Variants in FBXO34 observed in about 807,000 individuals in gnomAD.
The protein encoded by FBXO34 is F-box protein 34, also known as F-box only protein 34.
Under a neutral mutation model 24.5 loss-of-function variants are expected in FBXO34, and 12 were observed. That is an observed-to-expected ratio of 0.49 (90% CI 0.31 to 0.79). FBXO34 has a LOEUF of 0.79. Among genes scored for constraint, FBXO34 ranks in the 30% least tolerant of loss-of-function variants. FBXO34 has a pLI of 0.04. For synonymous variants in FBXO34, 320 were observed against 311.9 expected, an observed-to-expected ratio of 1.03 and a Z score of -0.27; for missense variants, 823 against 857.7, an observed-to-expected ratio of 0.96 and a Z score of 0.51.
At chr14:55,322,249 GCAGTGAGCCGAGATCACGCCAC>G (rs1302683044) in intron 1 of FBXO34, among the ~76,000 whole-genome samples, 2 of 150,146 alleles carry the variant, frequency 1.3e-5, no homozygotes, top group African/African-American at 4.9e-5. Context: ...GGCGGAGCTT[GCAGTGAGCCGAGATCACGCCAC>G]TGCACTCCAG....
chr14:55,331,602 A>AT (rs995689185), intron 1 of FBXO34, among the ~76,000 whole-genome samples: 1 of 141,244 alleles, frequency 7.1e-6, no homozygotes, highest in Non-Finnish European at 1.5e-5. Flanking sequence ...GTATATATAT[A>AT]AAAAAATATA....
chr14:55,353,577 T>A lies in FBXO34; in HGVS notation c.*1051T>A, dbSNP rs1056511008. ...TATCCTGTCTGGTTACAAAATTTTT[T>A]AAAACTTAAATAAAAACATGCATCT... On this transcript the variant is annotated 3_prime_UTR_variant, in exon 2 of 2. Transcript: ENST00000313833. The A allele has an allele frequency of 1.2e-5, 2 of 167,160 alleles. No homozygotes were observed. Among genetic ancestry groups the A allele is most frequent in the African/African-American group, 4.8e-5 (2 of 41,476 alleles). The allele number at this position is 167,160 out of a possible 1,614,324, so 10.4% of individuals were successfully genotyped here.
chr14:55,437,260 G>T, the FBXO34 span, among the ~76,000 whole-genome samples: 1 of 152,246 alleles, frequency 6.6e-6, no homozygotes, highest in East Asian at 1.9e-4. Context: ...GCGGATGGCT[G>T]GAGGCTAGGA....
chr14:55,308,627 G>C (rs1214561872), intron 1 of FBXO34, among the ~76,000 whole-genome samples: 1 of 152,070 alleles, frequency 6.6e-6, no homozygotes, highest in Non-Finnish European at 1.5e-5. Flanking sequence ...TTGAGGTTCA[G>C]GTTTTCAGAA....
Position 55,318,766 on chromosome 14 carries a change from A to G in FBXO34, c.-10-31615A>G, listed in dbSNP as rs80244747. Among the ~76,000 whole-genome samples, 1,075 of 152,278 alleles carry G rather than the reference A, an allele frequency of 7.1e-3. 18 individuals are homozygous for G. Among genetic ancestry groups the G allele is most frequent in the East Asian group, 0.056 (288 of 5,174 alleles). ...TTTGGTCTTGAGAATTGGAACAATT[A>G]GTATTCCATTGTCTCTAATTCTTCA... On this transcript the variant is annotated intron_variant, in intron 1 of 1. Coordinates refer to ENST00000313833, the MANE Select transcript of FBXO34 (RefSeq NM_017943.4).
chr14:55,288,600 G>T (rs1022334091), intron 1 of FBXO34, among the ~76,000 whole-genome samples: 3 of 152,290 alleles, frequency 2.0e-5, no homozygotes, highest in African/African-American at 7.2e-5. Flanking sequence ...ACTTTCAAAT[G>T]ATCCTACTTG....
the FBXO34 span, chr14:55,411,694 G>C: frequency 6.2e-7 from 1 of 1,613,148 alleles, no homozygotes; most frequent in Non-Finnish European, 8.5e-7. Context: ...TGCACAGCGG[G>C]CAGCGCTCCA....
the FBXO34 span, among the ~76,000 whole-genome samples, chr14:55,438,442 G>A: frequency 6.6e-6 from 1 of 152,146 alleles, no homozygotes; most frequent in Admixed American, 6.6e-5. Flanking sequence ...AAGTGAGATG[G>A]GGACAATGGG....
chr14:55,391,848 G>A, the FBXO34 span, among the ~76,000 whole-genome samples: 1 of 152,150 alleles, frequency 6.6e-6, no homozygotes, highest in Admixed American at 6.6e-5. Flanking sequence ...TAAGCAACTA[G>A]TACTTGCAAG....
chr14:55,327,336 T>C (rs76477842), intron 1 of FBXO34, among the ~76,000 whole-genome samples: 8,502 of 152,118 alleles, frequency 0.056, 305 homozygotes, highest in South Asian at 0.087. Flanking sequence ...TTAGAAACCA[T>C]TGAAGGGTGT....
intron 1 of FBXO34, among the ~76,000 whole-genome samples, chr14:55,332,047 AATAT>A (rs1298620186): frequency 2.2e-5 from 3 of 134,874 alleles, no homozygotes; most frequent in East Asian, 2.1e-4. Flanking sequence ...TATATATAAA[AATAT>A]ATATATATAT....
the FBXO34 span, among the ~76,000 whole-genome samples, chr14:55,419,268 C>T: frequency 1.3e-5 from 2 of 152,206 alleles, no homozygotes; most frequent in Non-Finnish European, 1.5e-5. Flanking sequence ...TTCCATTTTA[C>T]AGGTGAGGAA....
intron 1 of FBXO34, among the ~76,000 whole-genome samples, chr14:55,338,861 G>A (rs1883885438): frequency 6.6e-6 from 1 of 150,970 alleles, no homozygotes; most frequent in Non-Finnish European, 1.5e-5. Context: ...AGCTGAGATT[G>A]CGCCACTGCA....
chr14:55,289,078 T>C (rs889081747), intron 1 of FBXO34, among the ~76,000 whole-genome samples: 2 of 152,040 alleles, frequency 1.3e-5, no homozygotes, highest in Non-Finnish European at 2.9e-5. Context: ...ATATGTAATA[T>C]ATATTTCAAG....
intron 1 of FBXO34, among the ~76,000 whole-genome samples, chr14:55,331,717 G>GTGTATATATA (rs1474558737): frequency 3.3e-5 from 1 of 30,632 alleles, no homozygotes; most frequent in Admixed American, 3.1e-4. Flanking sequence ...ATATATATAT[G>GTGTATATATA]TATATATATA....
At chr14:55,369,738 A>T, downstream of FBXO34, 1 of 1,613,856 alleles carries the variant, frequency 6.2e-7, no homozygotes, top group Non-Finnish European at 8.5e-7. Context: ...TGACTCTGGG[A>T]GACTTCCACA....
intron 1 of FBXO34, among the ~76,000 whole-genome samples, chr14:55,289,204 A>G (rs1881860934): frequency 6.6e-6 from 1 of 151,872 alleles, no homozygotes; most frequent in African/African-American, 2.4e-5. Flanking sequence ...GCATTTTTAA[A>G]TTTTGTTATT....
At chr14:55,373,257 G>T (rs73279100), downstream of FBXO34, among the ~76,000 whole-genome samples, 1,404 of 152,198 alleles carry the variant, frequency 9.2e-3, 31 homozygotes, top group African/African-American at 0.033. Flanking sequence ...ATTTTCTCAT[G>T]GTGCTGCAGG....
intron 1 of FBXO34, among the ~76,000 whole-genome samples, chr14:55,293,871 G>A (rs753152273): frequency 6.6e-6 from 1 of 151,668 alleles, no homozygotes; most frequent in Non-Finnish European, 1.5e-5. Flanking sequence ...ATTTGTGTGT[G>A]TGTGTGGAGA....
Sources: allele counts gnomAD v4.1 joint callset (sites outside exome capture counted in the v4.1 genomes callset), GRCh38; gene constraint gnomAD v4.1.1; transcripts MANE v1.5; gene names NCBI Gene and HGNC (gene_info 2026-07-23, HGNC 2026-07-21).